The following ERCC1 variants were observed in gnomAD, a reference collection of about 807,000 sequenced individuals.
ERCC1 encodes DNA excision repair protein ERCC-1.
Under a neutral mutation model 37.6 loss-of-function variants are expected in ERCC1, and 36 were observed. The observed-to-expected ratio is 0.96, with a 90% confidence interval of 0.73 to 1.26. ERCC1 has a LOEUF of 1.26. ERCC1 is among the 50% of genes most tolerant of loss of function. The probability of loss-of-function intolerance (pLI) is 0.00; values close to 1 mark genes in which losing one functional copy is unlikely to be tolerated. For missense variants in ERCC1, 349 were observed against 376.5 expected (o/e 0.93, Z 0.60); for synonymous variants, 156 against 162.1 (o/e 0.96, Z 0.28).
intron 7 of ERCC1, 95 bp downstream of exon 7, chr19:45,414,766 G>A: frequency 4.6e-6 from 4 of 870,640 alleles, no homozygotes; most frequent in Non-Finnish European, 7.8e-6. Flanking sequence ...GAGGCCCAGG[G>A]ATGAATGGAC....
rs755051088 is a variant in ERCC1 at position 45,409,510 on chromosome 19, C to G, written c.*165G>C. The G allele has an allele frequency of 1.3e-6, 2 of 1,597,396 alleles. No individual in the cohort carries two copies. Among genetic ancestry groups the G allele is most frequent in the Non-Finnish European group, 1.7e-6 (2 of 1,172,790 alleles). On this transcript the variant is annotated 3_prime_UTR_variant, in exon 10 of 10. Transcript: ENST00000300853. ...AGCAGCAGCCTGTGTAGTCTGCCCC[C>G]GGGAAACTGAGGAACTAAAGAAAGC...
At chr19:45,422,264 A>G (rs552861718) in intron 2 of ERCC1, among the ~76,000 whole-genome samples, 1 of 152,046 alleles carries the variant, frequency 6.6e-6, no homozygotes, top group East Asian at 1.9e-4. Flanking sequence ...TGCCTCAGAA[A>G]CTACACCTTC....
At chr19:45,413,541 G>T (rs370200682) in intron 9 of ERCC1, 136 bp downstream of exon 9, 1 of 1,602,282 alleles carries the variant, frequency 6.2e-7, no homozygotes, top group Non-Finnish European at 8.6e-7. Context: ...CTCCCAAAAT[G>T]TTGGGATTAC....
At chr19:45,450,381 A>C (rs1244267464) in intron 1 of ERCC1, among the ~76,000 whole-genome samples, 2 of 152,236 alleles carry the variant, frequency 1.3e-5, no homozygotes, top group Admixed American at 1.3e-4. Context: ...TTCATGAGCC[A>C]GGGAAGGAAC....
At chr19:45,437,273 T>A (rs1352715384) in intron 1 of ERCC1, among the ~76,000 whole-genome samples, 4 of 149,558 alleles carry the variant, frequency 2.7e-5, no homozygotes, top group East Asian at 3.9e-4. Context: ...AAAATATATA[T>A]GTGTGTGTGT....
chr19:45,432,634 T>A (rs1271655626), intron 1 of ERCC1, among the ~76,000 whole-genome samples: 1 of 152,114 alleles, frequency 6.6e-6, no homozygotes, highest in Non-Finnish European at 1.5e-5. Context: ...CGCTTTGAAC[T>A]GGGCTAAAGC....
intron 8 of ERCC1, 101 bp downstream of exon 8, chr19:45,413,862 G>T: frequency 6.3e-7 from 1 of 1,575,634 alleles, no homozygotes; most frequent in Non-Finnish European, 8.7e-7. Context: ...AAGGCAGGAC[G>T]GGCAAGGGGT....
intron 1 of ERCC1, among the ~76,000 whole-genome samples, chr19:45,446,596 C>T (rs997258489): frequency 6.6e-6 from 1 of 152,158 alleles, no homozygotes; most frequent in Non-Finnish European, 1.5e-5. Flanking sequence ...CCCACACACC[C>T]GAACATAACA....
chr19:45,443,533 G>A (rs900503385), intron 1 of ERCC1, among the ~76,000 whole-genome samples: 1 of 152,142 alleles, frequency 6.6e-6, no homozygotes, highest in Admixed American at 6.5e-5. Context: ...GTCACGAGCC[G>A]CTCCCCCAGG....
intron 9 of ERCC1, 171 bp downstream of exon 9, chr19:45,413,506 C>T: frequency 6.9e-7 from 1 of 1,455,196 alleles, no homozygotes; most frequent in Non-Finnish European, 9.6e-7. Context: ...CAACTTCTGG[C>T]CTCAAGCAGT....
upstream of ERCC1, among the ~76,000 whole-genome samples, chr19:45,426,415 G>A (rs1974693836): frequency 6.7e-6 from 1 of 149,622 alleles, no homozygotes; most frequent in Non-Finnish European, 1.5e-5. Flanking sequence ...GCCGGGCATG[G>A]TGGCACATGC....
intron 1 of ERCC1, among the ~76,000 whole-genome samples, chr19:45,446,698 G>A (rs1028717385): frequency 6.6e-6 from 1 of 152,084 alleles, no homozygotes; most frequent in Non-Finnish European, 1.5e-5. Context: ...ACATGGAGCC[G>A]GTGTAGAAAG....
intron 1 of ERCC1, among the ~76,000 whole-genome samples, chr19:45,434,559 T>C (rs1157452606): frequency 6.6e-6 from 1 of 152,094 alleles, no homozygotes; most frequent in Non-Finnish European, 1.5e-5. Flanking sequence ...ATCTCATTTA[T>C]TTTTCTTGTC....
intron 6 of ERCC1, among the ~76,000 whole-genome samples, chr19:45,415,493 G>A (rs528335726): frequency 4.4e-4 from 66 of 151,326 alleles, no homozygotes; most frequent in Admixed American, 8.6e-4. Context: ...AAAATTAGCC[G>A]GGCGTGGTAG....
chr19:45,437,282 GTA>G (rs72463307), intron 1 of ERCC1, among the ~76,000 whole-genome samples: 173 of 150,480 alleles, frequency 1.1e-3, no homozygotes, highest in African/African-American at 3.7e-3. Flanking sequence ...ATGTGTGTGT[GTA>G]TATATATATA....
At chr19:45,428,666 G>C (rs958998636), upstream of ERCC1, among the ~76,000 whole-genome samples, 106 of 152,310 alleles carry the variant, frequency 7.0e-4, no homozygotes, top group African/African-American at 2.5e-3. Flanking sequence ...CTGTAAGGAC[G>C]GGACCCTCAC....
intron 1 of ERCC1, among the ~76,000 whole-genome samples, chr19:45,431,853 T>C (rs1599854009): frequency 6.6e-6 from 1 of 152,118 alleles, no homozygotes; most frequent in Admixed American, 6.6e-5. Flanking sequence ...ATTATACCCC[T>C]GGCACCCCAG....
At chr19:45,414,212 A>G in intron 7 of ERCC1, 178 bp from the exon 8 acceptor site, 1 of 655,786 alleles carries the variant, frequency 1.5e-6, no homozygotes, top group South Asian at 1.6e-5. Context: ...GTGGTGGCTC[A>G]TGCCTAATAA....
chr19:45,433,492 C>T (rs540667643), intron 1 of ERCC1, among the ~76,000 whole-genome samples: 7 of 152,116 alleles, frequency 4.6e-5, no homozygotes, highest in African/African-American at 1.7e-4. Context: ...CGCCATTGTA[C>T]TCCAGCCTGG....
Sources: gnomAD v4.1 joint callset for allele counts (sites outside exome capture counted in the v4.1 genomes callset) on GRCh38, gnomAD v4.1.1 for gene constraint, MANE v1.5 for transcripts, NCBI Gene and HGNC (gene_info 2026-07-23, HGNC 2026-07-21) for gene names.